DRD3: variants seen among roughly 807,000 people sequenced by gnomAD.
DRD3 encodes the protein dopamine receptor D3.
DRD3 carries 19 observed loss-of-function variants against 36.3 expected under a neutral mutation model. The ratio of observed to expected loss-of-function variants is 0.52; its 90% confidence interval spans 0.36 to 0.77. DRD3 has a LOEUF of 0.77. Among genes scored for constraint, DRD3 ranks in the 30% least tolerant of loss-of-function variants. The probability of loss-of-function intolerance (pLI) is 0.00; values close to 1 mark genes in which losing one functional copy is unlikely to be tolerated. For synonymous variants in DRD3, 195 were observed against 203.7 expected, an observed-to-expected ratio of 0.96 and a Z score of 0.36; for missense variants, 465 against 505.3, an observed-to-expected ratio of 0.92 and a Z score of 0.77.
At position 114,139,480 on chromosome 3, in the gene DRD3, A is replaced by C. The variant is rs1577585728; in HGVS notation, c.723+20T>G. 1 of 1,606,062 alleles carries C rather than the reference A, an allele frequency of 6.2e-7. No homozygotes were observed. The highest frequency in any genetic ancestry group is 1.7e-5 in the Admixed American group (1 of 59,796). On this transcript the variant is annotated intron_variant, in intron 5 of 6. Coordinates refer to ENST00000383673, the MANE Select transcript of DRD3 (RefSeq NM_000796.6). ...GGAGATTGGGTGTTGTCTTCCCTCT[A>C]CCCCCTCCAGGGTACTTACTTGCTG...
Position 114,131,183 on chromosome 3 carries a change from G to A in DRD3, c.941C>T (p.Pro314Leu), listed in dbSNP as rs140725146. 39 of 1,614,002 alleles carry A rather than the reference G, an allele frequency of 2.4e-5. No individual in the cohort carries two copies. The African/African-American group carries it at 4.8e-4, about 20-fold the overall frequency. ...GRLSTSLKLG[P>L]LQPRGVPLRE... The stretch of plus-strand genomic sequence containing the variant: ...AAGTGGCACTCCCCGAGGTTGCAGG[G>A]GCCCCAGCTTCAAAGATGTCGATAA... Residue 314 changes from proline (P) to leucine (L), a missense_variant, in exon 6 of 7, where the codon CCC becomes CTC. Transcript: ENST00000383673.
upstream of DRD3, among the ~76,000 whole-genome samples, chr3:114,182,725 G>A (rs1218813443): frequency 6.6e-6 from 1 of 151,950 alleles, no homozygotes; most frequent in Non-Finnish European, 1.5e-5. Flanking sequence ...GATTCTCTAA[G>A]TACCTCATAT....
At chr3:114,169,087 CA>C (rs892856319) in intron 2 of DRD3, among the ~76,000 whole-genome samples, 1 of 151,862 alleles carries the variant, frequency 6.6e-6, no homozygotes, top group Non-Finnish European at 1.5e-5. Flanking sequence ...AGTAGCTACT[CA>C]AACTGTACTA....
intron 1 of DRD3, among the ~76,000 whole-genome samples, chr3:114,190,484 T>A (rs1576093645): frequency 1.5e-5 from 1 of 66,448 alleles, no homozygotes. Flanking sequence ...TTTTTTTTTT[T>A]TTTTTTTTTT....
intron 5 of DRD3, among the ~76,000 whole-genome samples, chr3:114,132,354 G>A (rs1274639284): frequency 6.6e-6 from 1 of 152,010 alleles, no homozygotes; most frequent in Non-Finnish European, 1.5e-5. Flanking sequence ...GGAGCTGAAC[G>A]GTGAGAACAC....
chr3:114,141,910 G>A (rs558270538), intron 4 of DRD3, among the ~76,000 whole-genome samples: 1 of 152,082 alleles, frequency 6.6e-6, no homozygotes, highest in South Asian at 2.1e-4. Context: ...GTTAGCCGGT[G>A]TGGTAGCACA....
Position 114,171,915 on chromosome 3 carries a change from G to T in DRD3, c.78C>A (p.Ala26=). Residue 26 remains alanine, a synonymous_variant, in exon 2 of 7, where the codon GCC becomes GCA. Transcript: ENST00000383673. The part of the protein sequence containing the change: ...GAENSTGASQ[A]RPHAYYALSY... ...AGAGGGCATAGTAGGCATGTGGGCG[G>T]GCCTGGCTGGCACCTGTGGAGTTCT... The T allele has an allele frequency of 6.2e-7, 1 of 1,605,914 alleles. No homozygotes were observed. The highest frequency in any genetic ancestry group is 1.1e-5 in the South Asian group (1 of 89,776).
chr3:114,131,356 G>T lies in DRD3; in HGVS notation c.768C>A (p.Tyr256Ter), dbSNP rs1016484744. ...DPAHLELKRY[Y>*]SICQDTALGG... ...CCAAGGCAGTGTCCTGGCAGATGCT[G>T]TAGTAACGCTTCAGCTCCAGATGTG... The change falls in exon 6 of 7, where the codon TAC (tyrosine) becomes TAA (stop). Residue 256 changes from tyrosine to a stop codon, truncating the protein, a stop_gained. Transcript: ENST00000383673. LOFTEE classifies it high-confidence loss of function. 6.2e-7 allele frequency: 1 copy of T among 1,614,220 alleles called. No homozygotes were observed.
intron 1 of DRD3, 113 bp from the exon 2 acceptor site, chr3:114,172,140 T>C (rs1577619885): frequency 2.4e-6 from 2 of 824,064 alleles, no homozygotes; most frequent in Non-Finnish European, 3.4e-6. Context: ...ATTTTCTATA[T>C]AGTAGGCACT....
intron 3 of DRD3, 73 bp downstream of exon 3, chr3:114,159,682 C>T (rs2077714240): frequency 1.6e-6 from 2 of 1,246,490 alleles, no homozygotes; most frequent in Admixed American, 1.7e-5. Flanking sequence ...ACCCCAGTAC[C>T]CTCAAGTGCA....
At chr3:114,169,379 G>A (rs1362576007) in intron 2 of DRD3, among the ~76,000 whole-genome samples, 1 of 149,112 alleles carries the variant, frequency 6.7e-6, no homozygotes, top group African/African-American at 2.5e-5. Context: ...AAGCAAATTG[G>A]TAAGACCAAA....
chr3:114,132,978 A>C (rs112653508), intron 5 of DRD3, among the ~76,000 whole-genome samples: 3 of 149,980 alleles, frequency 2.0e-5, no homozygotes, highest in African/African-American at 7.4e-5. Flanking sequence ...TATGTGTCTT[A>C]TAAAACAGTC....
intron 5 of DRD3, among the ~76,000 whole-genome samples, chr3:114,139,288 C>G (rs1009294849): frequency 6.6e-6 from 1 of 152,184 alleles, no homozygotes; most frequent in African/African-American, 2.4e-5. Context: ...ATCACTTTGC[C>G]AGGTAAGGCA....
chr3:114,133,338 T>C (rs1396328292), intron 5 of DRD3, among the ~76,000 whole-genome samples: 1 of 152,220 alleles, frequency 6.6e-6, no homozygotes, highest in African/African-American at 2.4e-5. Flanking sequence ...TGGGTTGAAA[T>C]AATACGGTGT....
chr3:114,153,262 A>C (rs1253207539), intron 3 of DRD3, among the ~76,000 whole-genome samples: 1 of 15,378 alleles, frequency 6.5e-5, no homozygotes, highest in Non-Finnish European at 1.1e-4. Context: ...TTTCTCTGTA[A>C]ACCTTTTTTT....
chr3:114,131,099 C>G lies in DRD3; in HGVS notation c.1006+19G>C. ...CAACCTAACCCAACCCAACACAGCT[C>G]AAGCCAACCCAAACTTACCAAGCAC... On this transcript the variant is annotated intron_variant, in intron 6 of 6. Transcript: ENST00000383673. The G allele has an allele frequency of 6.2e-7, 1 of 1,608,970 alleles. No individual in the cohort carries two copies. Among genetic ancestry groups the G allele is most frequent in the Non-Finnish European group, 8.5e-7 (1 of 1,176,348 alleles).
upstream of DRD3, among the ~76,000 whole-genome samples, chr3:114,183,278 A>T (rs1215144357): frequency 6.6e-6 from 1 of 152,178 alleles, no homozygotes; most frequent in African/African-American, 2.4e-5. Context: ...TCCCATTATG[A>T]TCAGGGAAGA....
At chr3:114,139,397 G>T in intron 5 of DRD3, 103 bp downstream of exon 5, 1 of 1,136,032 alleles carries the variant, frequency 8.8e-7, no homozygotes, top group Non-Finnish European at 1.2e-6. Flanking sequence ...TCAGATTTGT[G>T]TCTCCAATTT....
intron 2 of DRD3, among the ~76,000 whole-genome samples, chr3:114,167,928 A>G (rs765793063): frequency 6.6e-6 from 1 of 152,210 alleles, no homozygotes; most frequent in Non-Finnish European, 1.5e-5. Flanking sequence ...TGTGAGACCT[A>G]TAGCTTAGCC....
Sources: gnomAD v4.1 joint callset for allele counts (sites outside exome capture counted in the v4.1 genomes callset) on GRCh38, gnomAD v4.1.1 for gene constraint, MANE v1.5 for transcripts, NCBI Gene and HGNC (gene_info 2026-07-23, HGNC 2026-07-21) for gene names.